Variants in RFX8 observed in about 807,000 individuals in gnomAD.
RFX8 encodes the protein regulatory factor X8.
RFX8 carries 46 observed loss-of-function variants against 54.6 expected under a neutral mutation model. The ratio of observed to expected loss-of-function variants is 0.84; its 90% CI spans 0.67 to 1.08. The LOEUF is 1.08. RFX8 is among the 50% of genes least tolerant of loss of function. The pLI is 0.00. For synonymous variants in RFX8, 192 were observed against 209.5 expected (o/e 0.92, Z 0.72); for missense variants, 536 against 562.3 (o/e 0.95, Z 0.47).
At chr2:101,462,478 T>C (rs1689336522) in intron 2 of RFX8, among the ~76,000 whole-genome samples, 1 of 152,172 alleles carries the variant, frequency 6.6e-6, no homozygotes, top group Admixed American at 6.5e-5. Context: ...ACTCCCAAAA[T>C]ATTTCACAGC....
chr2:101,409,778 G>A (rs964483635), intron 9 of RFX8, among the ~76,000 whole-genome samples: 1 of 152,122 alleles, frequency 6.6e-6, no homozygotes, highest in Non-Finnish European at 1.5e-5. Context: ...GGAATTATAG[G>A]CATGAGCCAC....
chr2:101,468,490 A>T (rs2148996696), intron 1 of RFX8, among the ~76,000 whole-genome samples: 1 of 151,934 alleles, frequency 6.6e-6, no homozygotes, highest in East Asian at 1.9e-4. Flanking sequence ...GGGTTTTGCC[A>T]TGTTGGCCAG....
intron 11 of RFX8, among the ~76,000 whole-genome samples, chr2:101,398,455 T>A (rs1460427934): frequency 6.6e-6 from 1 of 152,158 alleles, no homozygotes; most frequent in Non-Finnish European, 1.5e-5. Context: ...AGACGGGTAC[T>A]AATCCCCACA....
chr2:101,408,053 A>G (rs1685847759), intron 9 of RFX8, among the ~76,000 whole-genome samples: 2 of 152,204 alleles, frequency 1.3e-5, no homozygotes, highest in Non-Finnish European at 2.9e-5. Flanking sequence ...CAGTTACAAA[A>G]ACACCATTTT....
At chr2:101,445,316 G>C (rs769761208) in intron 2 of RFX8, among the ~76,000 whole-genome samples, 2 of 152,106 alleles carry the variant, frequency 1.3e-5, no homozygotes, top group Non-Finnish European at 2.9e-5. Flanking sequence ...CTCCTTGACT[G>C]GCACTCTGTT....
In RFX8 at chr2:101,418,885, T is replaced by C. The variant is rs1558851807; in HGVS notation, c.317A>G (p.Gln106Arg). ...VMLMSLPDVCQLFKCYDVQLY... is the reference protein window; with the variant it reads ...VMLMSLPDVCRLFKCYDVQLY... ...CTGGACGTCGTAGCATTTAAAGAGC[T>C]GGCACACGTCAGGCAATGACATCAG... The change falls in exon 5 of 12, where the codon CAG becomes CGG. Residue 106 changes from glutamine (Q) to arginine (R), a missense_variant. Gln to Arg is a conservative substitution (Grantham distance 43). Transcript: ENST00000428343. The C allele has an allele frequency of 1.9e-6, 3 of 1,551,542 alleles. No individual in the cohort carries two copies. The highest frequency in any genetic ancestry group is 1.4e-5 in the African/African-American group (1 of 73,160).
intron 1 of RFX8, among the ~76,000 whole-genome samples, chr2:101,469,064 A>ACGTATATATACG (rs1689779489): frequency 1.4e-4 from 3 of 20,758 alleles, no homozygotes; most frequent in African/African-American, 5.8e-4. Context: ...ACGTATATAT[A>ACGTATATATACG]TGTATATATA....
chr2:101,474,282 GC>G (rs1690183030), intron 1 of RFX8: 4 of 558,606 alleles, frequency 7.2e-6, no homozygotes, highest in South Asian at 2.2e-5. Context: ...CCATGGCTCG[GC>G]CCCGGGCCTG....
chr2:101,448,934 G>C (rs1423022661), intron 2 of RFX8, among the ~76,000 whole-genome samples: 1 of 152,200 alleles, frequency 6.6e-6, no homozygotes, highest in African/African-American at 2.4e-5. Flanking sequence ...ATGGACAGTG[G>C]TCAGCATGAA....
chr2:101,411,441 C>G (rs1303649156), intron 8 of RFX8, among the ~76,000 whole-genome samples: 1 of 152,132 alleles, frequency 6.6e-6, no homozygotes, highest in East Asian at 1.9e-4. Context: ...CACAAAGATG[C>G]CAGTAGGAGC....
intron 2 of RFX8, among the ~76,000 whole-genome samples, chr2:101,465,868 C>T (rs1689547283): frequency 6.6e-6 from 1 of 152,140 alleles, no homozygotes; most frequent in African/African-American, 2.4e-5. Context: ...CTTGGGGCCA[C>T]CTTTAAGGGA....
At chr2:101,446,154 C>G (rs1305285311) in intron 2 of RFX8, among the ~76,000 whole-genome samples, 1 of 151,956 alleles carries the variant, frequency 6.6e-6, no homozygotes, top group East Asian at 1.9e-4. Context: ...TAAAGTTGAT[C>G]TATTACTTTT....
intron 2 of RFX8, among the ~76,000 whole-genome samples, chr2:101,434,440 G>A (rs563378035): frequency 2.0e-5 from 3 of 152,268 alleles, no homozygotes; most frequent in East Asian, 3.9e-4. Flanking sequence ...GACCGAGGGG[G>A]AGACCTGTGG....
At position 101,439,596 on chromosome 2, in the gene RFX8, C is replaced by CTTTT. The variant is rs139433618; in HGVS notation, c.73-17125_73-17124insAAAA. 7.5e-4 allele frequency among the ~76,000 whole-genome samples: 107 copies of CTTTT among 143,622 alleles called. 1 individual carries two copies. Among genetic ancestry groups the CTTTT allele is most frequent in the African/African-American group, 2.3e-3 (89 of 39,128 alleles). The allele number at this position is 143,622 out of a possible 152,430, so 94.2% of individuals were successfully genotyped here. ...ACATTATGAAGATTAGATTGAAGTTCATTTTTTTTTTTTTGCCTGTGGGTT... is the reference window on the plus strand; with the variant it reads ...ACATTATGAAGATTAGATTGAAGTTCTTTTATTTTTTTTTTTTTGCCTGTGGGTT... On this transcript the variant is annotated intron_variant, in intron 2 of 11. Coordinates refer to ENST00000428343, the MANE Select transcript of RFX8 (RefSeq NM_001145664.2).
intron 10 of RFX8, among the ~76,000 whole-genome samples, chr2:101,404,695 G>A (rs1685631337): frequency 6.6e-6 from 1 of 152,008 alleles, no homozygotes; most frequent in Non-Finnish European, 1.5e-5. Context: ...CCAAACTGCT[G>A]GGATTACAGG....
In RFX8 at chr2:101,398,099, C is replaced by T. The variant is rs573433241; in HGVS notation, c.1246-375G>A. Among the ~76,000 whole-genome samples, 31 of 152,244 alleles carry T rather than the reference C, an allele frequency of 2.0e-4. No homozygotes were observed. In the South Asian group the frequency reaches 6.2e-3, roughly 30 times the overall value. On this transcript the variant is annotated intron_variant, in intron 11 of 11. Transcript: ENST00000428343. The stretch of plus-strand genomic sequence containing the variant: ...TTTCGAACTCCTGACCTCAGGTGAT[C>T]CACCTGCCTCAGCCTCCCAAAGTGC...
chr2:101,421,689 T>C lies in RFX8; in HGVS notation c.237+35A>G, dbSNP rs751017637. 4 of 1,541,334 alleles carry C rather than the reference T, an allele frequency of 2.6e-6. No homozygotes were observed. In the East Asian group the frequency reaches 7.4e-5, roughly 28 times the overall value. ...GTCATAAATGCTTGTATTTTATAGA[T>C]AAAACCCTACCCTCTCAAGTTCTCA... On this transcript the variant is annotated intron_variant, in intron 4 of 11. Transcript: ENST00000428343.
intron 2 of RFX8, among the ~76,000 whole-genome samples, chr2:101,449,309 A>G (rs1338391210): frequency 6.6e-6 from 1 of 152,210 alleles, no homozygotes; most frequent in Non-Finnish European, 1.5e-5. Context: ...AAGCAAATGT[A>G]GAATTTTAGG....
rs190967434 is a variant in RFX8 at position 101,445,345 on chromosome 2, G to A, written c.72+21432C>T. Among the ~76,000 whole-genome samples the A allele has an allele frequency of 1.1e-3, 161 of 152,144 alleles. 2 individuals carry two copies. The highest frequency in any genetic ancestry group is 3.5e-3 in the African/African-American group (147 of 41,526). On this transcript the variant is annotated intron_variant, in intron 2 of 11. Coordinates refer to ENST00000428343, the MANE Select transcript of RFX8 (RefSeq NM_001145664.2). ...CTCTGTTCAAATGGTGTTGTCTCAG[G>A]GAGGCCTCTCCATGACTCCATTGTA...
Sources: gnomAD v4.1 joint callset for allele counts (sites outside exome capture counted in the v4.1 genomes callset) on GRCh38, gnomAD v4.1.1 for gene constraint, MANE v1.5 for transcripts, NCBI Gene and HGNC (gene_info 2026-07-23, HGNC 2026-07-21) for gene names.